The following SLC18A1 variants were observed in gnomAD, a reference collection of about 807,000 sequenced individuals.
The protein encoded by SLC18A1 is chromaffin granule amine transporter.
SLC18A1 carries 69 observed loss-of-function variants against 53.7 expected under a neutral mutation model. The ratio of observed to expected loss-of-function variants is 1.28; its 90% confidence interval spans 1.06 to 1.57. SLC18A1 has a LOEUF of 1.57. SLC18A1 is among the 40% of genes most tolerant of loss of function. The pLI is 0.00. For synonymous variants in SLC18A1, 320 were observed against 248.1 expected (o/e 1.29, Z -2.72); for missense variants, 932 against 668.1 (o/e 1.40, Z -4.35).
At chr8:20,175,654 T>G (rs1188211705) in intron 4 of SLC18A1, 2 of 152,178 alleles carry the variant, frequency 1.3e-5, no homozygotes, top group Non-Finnish European at 2.9e-5. Flanking sequence ...GGTAGTTAAG[T>G]CCAGACATGT....
chr8:20,167,898 G>T (rs900579430), intron 8 of SLC18A1, among the ~76,000 whole-genome samples: 2 of 152,014 alleles, frequency 1.3e-5, no homozygotes, highest in Non-Finnish European at 2.9e-5. Flanking sequence ...TGGGATTACA[G>T]GCGTGAACCA....
chr8:20,155,207 C>T (rs138380565), intron 10 of SLC18A1, among the ~76,000 whole-genome samples: 2,141 of 152,290 alleles, frequency 0.014, 42 homozygotes, highest in Admixed American at 0.061. Flanking sequence ...GAACAAAGAC[C>T]CTCCAGTAAC....
At chr8:20,161,113 G>T (rs775849389) in intron 10 of SLC18A1, among the ~76,000 whole-genome samples, 47 of 152,248 alleles carry the variant, frequency 3.1e-4, no homozygotes, top group Non-Finnish European at 5.1e-4. Context: ...AATGCAAAAT[G>T]CATTCAATCC....
Position 20,153,106 on chromosome 8 carries a change from AAAG to A in SLC18A1, c.1016-2365_1016-2363del, listed in dbSNP as rs542862468. On this transcript the variant is annotated intron_variant, in intron 10 of 15. Transcript: ENST00000276373. ...AGAAATATAAAATAGTCATTTTGGA[AAAG>A]AAGAAGGAGGACATAACTAGGGGCT... Among the ~76,000 whole-genome samples, 468 of 152,290 alleles carry A rather than the reference AAAG, an allele frequency of 3.1e-3. 7 individuals are homozygous for A. Among genetic ancestry groups the A allele is most frequent in the African/African-American group, 0.011 (457 of 41,560 alleles).
intron 12 of SLC18A1, among the ~76,000 whole-genome samples, chr8:20,149,376 C>T (rs1408171022): frequency 6.6e-6 from 1 of 152,004 alleles, no homozygotes; most frequent in Non-Finnish European, 1.5e-5. Flanking sequence ...CATGTACAGC[C>T]TCAGACCTCC....
At chr8:20,157,625 T>A (rs532362778) in intron 10 of SLC18A1, among the ~76,000 whole-genome samples, 1 of 152,218 alleles carries the variant, frequency 6.6e-6, no homozygotes, top group Non-Finnish European at 1.5e-5. Flanking sequence ...CTCTGTCACC[T>A]GACTCTATTG....
At chr8:20,164,525 G>T (rs1014232181) in intron 10 of SLC18A1, among the ~76,000 whole-genome samples, 1 of 152,144 alleles carries the variant, frequency 6.6e-6, no homozygotes, top group East Asian at 1.9e-4. Context: ...TTAGCAATGA[G>T]AAAAGTGATG....
At position 20,162,346 on chromosome 8, in the gene SLC18A1, G is replaced by T. The variant is rs116942322; in HGVS notation, c.1015+2523C>A. 8.1e-4 allele frequency among the ~76,000 whole-genome samples: 123 copies of T among 152,236 alleles called. 2 individuals are homozygous for T. The East Asian group carries it at 0.022, about 27-fold the overall frequency. On this transcript the variant is annotated intron_variant, in intron 10 of 15. Transcript: ENST00000276373. ...ACTTTTATCCACACTAATCACTTTA[G>T]GTTGCTTGGCCACAGTCTTGGTGTG...
Position 20,180,896 on chromosome 8 carries a change from C to T in SLC18A1, c.69G>A (p.Val23=). ...LKEGRASRQL[V]LVVVFVALLL... is the part of the protein sequence containing the mutation. ...GCAAAGCGACGAATACCACCACCAGCACCAGCTGCCGGGACGCTCTCCCCT... is the reference window on the plus strand; with the variant it reads ...GCAAAGCGACGAATACCACCACCAGTACCAGCTGCCGGGACGCTCTCCCCT... Residue 23 remains valine (V), a synonymous_variant, in exon 2 of 16, where the codon GTG becomes GTA. Coordinates refer to ENST00000276373, the MANE Select transcript of SLC18A1 (RefSeq NM_003053.4). 2 of 1,613,578 alleles carry T rather than the reference C, an allele frequency of 1.2e-6. No individual in the cohort carries two copies. Among genetic ancestry groups the T allele is most frequent in the East Asian group, 2.2e-5 (1 of 44,858 alleles).
At chr8:20,168,656 C>T (rs1336762325) in intron 8 of SLC18A1, among the ~76,000 whole-genome samples, 1 of 152,072 alleles carries the variant, frequency 6.6e-6, no homozygotes, top group Non-Finnish European at 1.5e-5. Flanking sequence ...GCAACCTCCG[C>T]CTCCTAGGTT....
At chr8:20,155,428 T>A (rs1237269883) in intron 10 of SLC18A1, among the ~76,000 whole-genome samples, 1 of 152,150 alleles carries the variant, frequency 6.6e-6, no homozygotes, top group Non-Finnish European at 1.5e-5. Flanking sequence ...CCTTCTAGGA[T>A]GGGAGCATTG....
intron 3 of SLC18A1, 124 bp downstream of exon 3, chr8:20,178,997 G>C (rs945784942): frequency 6.3e-5 from 74 of 1,170,762 alleles, no homozygotes; most frequent in African/African-American, 1.6e-5. Flanking sequence ...TTTCCGAATA[G>C]CTGACTCCCC....
At chr8:20,174,579 C>G in intron 4 of SLC18A1, 135 bp from the exon 5 acceptor site, 1 of 629,558 alleles carries the variant, frequency 1.6e-6, no homozygotes. Context: ...ATGACTGTTC[C>G]CTGTTTTTTG....
intron 4 of SLC18A1, 116 bp from the exon 5 acceptor site, chr8:20,174,560 T>C (rs1189952740): frequency 1.6e-5 from 11 of 685,128 alleles, no homozygotes; most frequent in African/African-American, 5.3e-5. Flanking sequence ...ATGTTTTTAA[T>C]AAAGCATGAT....
At chr8:20,172,283 G>C (rs561197621) in intron 6 of SLC18A1, among the ~76,000 whole-genome samples, 56 of 152,220 alleles carry the variant, frequency 3.7e-4, no homozygotes, top group Non-Finnish European at 6.9e-4. Context: ...TTGGGCATTT[G>C]GGTTGATGGA....
At chr8:20,164,994 G>T (rs897651087) in intron 9 of SLC18A1, 30 bp from the exon 10 acceptor site, 2 of 1,613,500 alleles carry the variant, frequency 1.2e-6, no homozygotes, top group African/African-American at 1.3e-5. Context: ...AGCAGCCGTG[G>T]CTGCTTGAAG....
At chr8:20,170,012 G>A (rs901755733) in intron 8 of SLC18A1, among the ~76,000 whole-genome samples, 2 of 152,188 alleles carry the variant, frequency 1.3e-5, no homozygotes, top group Non-Finnish European at 2.9e-5. Context: ...CCCTACGCCT[G>A]GGCCAGGGCT....
Position 20,179,159 on chromosome 8 carries a change from T to C in SLC18A1, c.450A>G (p.Gln150=), listed in dbSNP as rs942507129. The part of the protein sequence containing the change: ...GVLFASKAVM[Q]LLVNPFVGPL... ...GGCCCACGAATGGGTTGACCAGAAG[T>C]TGCATCACAGCCTTTGAAGCAAACA... is the stretch of plus-strand genomic sequence containing the variant. Residue 150 remains glutamine, a synonymous_variant, in exon 3 of 16, where the codon CAA becomes CAG. Coordinates refer to ENST00000276373, the MANE Select transcript of SLC18A1 (RefSeq NM_003053.4). 4 of 1,613,788 alleles carry C rather than the reference T, an allele frequency of 2.5e-6. No individual in the cohort carries two copies. In the African/African-American group the frequency reaches 4.0e-5, roughly 16 times the overall value.
At position 20,159,005 on chromosome 8, in the gene SLC18A1, C is replaced by T. The variant is rs929426044; in HGVS notation, c.1015+5864G>A. On this transcript the variant is annotated intron_variant, in intron 10 of 15. Transcript: ENST00000276373. ...ACCTCCCGCTGCACTTTAGGCTATA[C>T]ATTTCAATCTCTGTATCTTAACCTC... Among the ~76,000 whole-genome samples the T allele has an allele frequency of 6.6e-5, 10 of 152,284 alleles. No homozygotes were observed. In the East Asian group the frequency reaches 1.7e-3, roughly 26 times the overall value.
Sources: gnomAD v4.1 joint callset for allele counts (sites outside exome capture counted in the v4.1 genomes callset) on GRCh38, gnomAD v4.1.1 for gene constraint, MANE v1.5 for transcripts, NCBI Gene and HGNC (gene_info 2026-07-23, HGNC 2026-07-21) for gene names.